Variants in ROBO2 observed in about 807,000 individuals in gnomAD.
ROBO2 encodes roundabout guidance receptor 2.
A neutral mutation model predicts 160.8 loss-of-function variants in ROBO2; 53 were observed. The observed-to-expected ratio is 0.33, with a 90% CI of 0.26 to 0.41. ROBO2 has a LOEUF of 0.41. Among genes scored for constraint, ROBO2 ranks in the 10% least tolerant of loss-of-function variants. The probability of loss-of-function intolerance (pLI) is 1.00; values close to 1 mark genes in which losing one functional copy is unlikely to be tolerated. For missense variants in ROBO2, 1,577 were observed against 1,722.4 expected (o/e 0.92, Z 1.49); for synonymous variants, 664 against 611.7 (o/e 1.09, Z -1.26).
intron 2 of ROBO2, among the ~76,000 whole-genome samples, chr3:77,339,141 G>A (rs1363169022): frequency 6.6e-6 from 1 of 151,674 alleles, no homozygotes; most frequent in Non-Finnish European, 1.5e-5. Flanking sequence ...CATTAAGAAA[G>A]CTTTTCTTTA....
chr3:76,302,733 G>T (rs188959229), intron 2 of ROBO2, among the ~76,000 whole-genome samples: 2 of 152,018 alleles, frequency 1.3e-5, no homozygotes, highest in Admixed American at 6.6e-5. Flanking sequence ...ACCTAGGTGC[G>T]TAGCAAACTA....
chr3:76,583,593 G>T (rs1241971829), intron 2 of ROBO2, among the ~76,000 whole-genome samples: 1 of 151,932 alleles, frequency 6.6e-6, no homozygotes, highest in African/African-American at 2.4e-5. Flanking sequence ...AGTTTCCTTT[G>T]CTCTCAATAC....
chr3:76,598,793 A>G lies in ROBO2; in HGVS notation c.110-499221A>G, dbSNP rs9849569. On this transcript the variant is annotated intron_variant, in intron 2 of 26. Transcript: ENST00000487694. ...AAAAAAAGTATAAATTATCATATCTAAAATAATATGGCAATGTAAGAATAC... is the reference window on the plus strand; with the variant it reads ...AAAAAAAGTATAAATTATCATATCTGAAATAATATGGCAATGTAAGAATAC... Among the ~76,000 whole-genome samples, 941 of 152,304 alleles carry G rather than the reference A, an allele frequency of 6.2e-3. 7 individuals are homozygous for G. Among genetic ancestry groups the G allele is most frequent in the African/African-American group, 0.02 (832 of 41,582 alleles).
At chr3:77,549,184 T>C (rs532341595) in intron 7 of ROBO2, among the ~76,000 whole-genome samples, 1 of 152,042 alleles carries the variant, frequency 6.6e-6, no homozygotes, top group Admixed American at 6.6e-5. Flanking sequence ...TATAATGCCA[T>C]TTTCCATGTC....
chr3:77,188,256 A>G (rs1168645502), intron 2 of ROBO2, among the ~76,000 whole-genome samples: 1 of 151,926 alleles, frequency 6.6e-6, no homozygotes, highest in African/African-American at 2.4e-5. Context: ...ACTTACAAAC[A>G]TACGGAAAAA....
At chr3:76,538,475 T>G (rs2082635943) in intron 2 of ROBO2, among the ~76,000 whole-genome samples, 1 of 152,242 alleles carries the variant, frequency 6.6e-6, no homozygotes, top group South Asian at 2.1e-4. Context: ...AAAGCAGGTA[T>G]GTATTTACAT....
chr3:77,390,208 C>T (rs2074574175), intron 2 of ROBO2, among the ~76,000 whole-genome samples: 1 of 152,110 alleles, frequency 6.6e-6, no homozygotes, highest in Non-Finnish European at 1.5e-5. Flanking sequence ...CTATTTTACT[C>T]GACCTGTAGG....
intron 2 of ROBO2, among the ~76,000 whole-genome samples, chr3:76,894,093 T>A: frequency 6.6e-6 from 1 of 152,130 alleles, no homozygotes; most frequent in Non-Finnish European, 1.5e-5. Context: ...AGTCTTGGTC[T>A]GTACTTTGTT....
chr3:77,563,028 T>G, intron 10 of ROBO2, 139 bp from the exon 12 acceptor site: 3 of 766,018 alleles, frequency 3.9e-6, no homozygotes, highest in East Asian at 5.3e-5. Context: ...AAGCAAACAT[T>G]CACTTACATA....
At chr3:76,882,279 G>A (rs1268998016) in intron 2 of ROBO2, among the ~76,000 whole-genome samples, 1 of 152,144 alleles carries the variant, frequency 6.6e-6, no homozygotes, top group East Asian at 1.9e-4. Context: ...TGTTTCAACA[G>A]TACAAATTCT....
chr3:76,666,727 A>G (rs1445810764), intron 2 of ROBO2, among the ~76,000 whole-genome samples: 1 of 152,112 alleles, frequency 6.6e-6, no homozygotes, highest in Admixed American at 6.6e-5. Flanking sequence ...TTCACTGAAA[A>G]AAAAGTAATC....
intron 2 of ROBO2, among the ~76,000 whole-genome samples, chr3:76,141,068 T>TATATATATATATATATATATAA (rs1290955194): frequency 8.6e-6 from 1 of 116,940 alleles, no homozygotes; most frequent in African/African-American, 3.2e-5. Flanking sequence ...TACATATATA[T>TATATATATATATATATATATAA]ATATATATAA....
intron 2 of ROBO2, among the ~76,000 whole-genome samples, chr3:76,888,498 C>A (rs144915654): frequency 3.3e-5 from 5 of 152,176 alleles, no homozygotes; most frequent in Admixed American, 6.5e-5. Context: ...CCATATTGTA[C>A]CCGTAATAGG....
At chr3:77,296,695 G>A (rs1218167276) in intron 2 of ROBO2, among the ~76,000 whole-genome samples, 1 of 152,116 alleles carries the variant, frequency 6.6e-6, no homozygotes, top group Non-Finnish European at 1.5e-5. Flanking sequence ...GATGGAAAAG[G>A]CCTTGTGGTA....
chr3:77,183,102 C>T (rs569598396), intron 2 of ROBO2, among the ~76,000 whole-genome samples: 1 of 152,138 alleles, frequency 6.6e-6, no homozygotes, highest in South Asian at 2.1e-4. Context: ...ATGCTGGCTC[C>T]TGTTTTATCA....
intron 2 of ROBO2, among the ~76,000 whole-genome samples, chr3:76,310,896 C>T (rs1030096166): frequency 6.6e-6 from 1 of 152,326 alleles, no homozygotes; most frequent in African/African-American, 2.4e-5. Context: ...ATCACACAGG[C>T]AGCCTGAAAG....
intron 2 of ROBO2, among the ~76,000 whole-genome samples, chr3:77,444,070 C>A (rs1035987285): frequency 2.0e-5 from 3 of 152,130 alleles, no homozygotes; most frequent in Admixed American, 6.6e-5. Flanking sequence ...TTTGTCCATG[C>A]CTTCATTTTT....
intron 2 of ROBO2, among the ~76,000 whole-genome samples, chr3:77,464,568 C>T (rs1280464371): frequency 6.6e-6 from 1 of 152,126 alleles, no homozygotes; most frequent in Non-Finnish European, 1.5e-5. Context: ...GACTATTCAG[C>T]CTGAATTTCC....
intron 2 of ROBO2, among the ~76,000 whole-genome samples, chr3:76,771,278 T>G (rs976986682): frequency 6.6e-6 from 1 of 151,372 alleles, no homozygotes; most frequent in African/African-American, 2.4e-5. Flanking sequence ...TGAAATGATA[T>G]TCTGACTATA....
Sources: allele counts gnomAD v4.1 joint callset (sites outside exome capture counted in the v4.1 genomes callset), GRCh38; gene constraint gnomAD v4.1.1; transcripts MANE v1.5; gene names NCBI Gene and HGNC (gene_info 2026-07-23, HGNC 2026-07-21).